UNC79: variants seen among roughly 807,000 people sequenced by gnomAD.
The protein encoded by UNC79 is protein unc-79 homolog.
In UNC79, 37 loss-of-function variants were observed where a neutral mutation model predicts 283.1. That is an observed-to-expected ratio of 0.13 (90% confidence interval 0.10 to 0.17). The LOEUF is 0.17. UNC79 is among the 10% of genes least tolerant of loss of function. The pLI, the probability that UNC79 is intolerant of heterozygous loss-of-function variation, is 1.00. For synonymous variants in UNC79, 1,107 were observed against 1,200.2 expected (o/e 0.92, Z 1.61); for missense variants, 2,272 against 3,211.1 (o/e 0.71, Z 7.07).
intron 34 of UNC79, among the ~76,000 whole-genome samples, 187 bp downstream of exon 37, chr14:93,643,884 A>G (rs2069310333): frequency 6.6e-6 from 1 of 152,224 alleles, no homozygotes; most frequent in South Asian, 2.1e-4. Flanking sequence ...CCAGCTGCGT[A>G]GGGTCATGAG....
At chr14:93,414,818 G>T (rs527615791) in intron 1 of UNC79, among the ~76,000 whole-genome samples, 1 of 152,210 alleles carries the variant, frequency 6.6e-6, no homozygotes, top group South Asian at 2.1e-4. Context: ...CTCATGATTT[G>T]GCTCTCTGTC....
intron 14 of UNC79, among the ~76,000 whole-genome samples, chr14:93,564,213 A>T (rs1418351447): frequency 6.6e-6 from 1 of 152,176 alleles, no homozygotes; most frequent in Non-Finnish European, 1.5e-5. Flanking sequence ...AAGCAACGGA[A>T]AGAGGAGTGG....
At chr14:93,366,527 A>G (rs1291417703) in intron 1 of UNC79, among the ~76,000 whole-genome samples, 1 of 151,246 alleles carries the variant, frequency 6.6e-6, no homozygotes, top group South Asian at 2.1e-4. Context: ...ATGTGTTTCC[A>G]TTAGTGTAAG....
rs552063449 is a variant in UNC79 at position 93,417,494 on chromosome 14, T to A, written c.-350-50177T>A. Among the ~76,000 whole-genome samples the A allele has an allele frequency of 2.8e-3, 421 of 152,266 alleles. 2 individuals are homozygous for A. Among genetic ancestry groups the A allele is most frequent in the Middle Eastern group, 0.024 (7 of 294 alleles). ...TCAACTTTGGTAAATCTGACAATTA[T>A]GTGTCTTGGAGTTGCTCTTCTCGAG... On this transcript the variant is annotated intron_variant, in intron 1 of 49. Transcript: ENST00000256339.
At chr14:93,407,068 A>G (rs1020131148) in intron 1 of UNC79, among the ~76,000 whole-genome samples, 3 of 152,048 alleles carry the variant, frequency 2.0e-5, no homozygotes, top group African/African-American at 7.2e-5. Context: ...TCATCTTTCC[A>G]TGAACTTATT....
At position 93,659,179 on chromosome 14, in the gene UNC79, A is replaced by G. The variant is rs927688017; in HGVS notation, c.6457-14A>G. On this transcript the variant is annotated splice_polypyrimidine_tract_variant and intron_variant, in intron 38 of 48. Coordinates refer to ENST00000555664, the Ensembl canonical transcript of UNC79. The stretch of plus-strand genomic sequence containing the variant: ...TGGAAACTAATTTTTACTTTTTTTC[A>G]TATTTATTCACAGTGTTCTTTAGAT... The G allele has an allele frequency of 5.7e-6, 9 of 1,588,340 alleles. No homozygotes were observed. Among genetic ancestry groups the G allele is most frequent in the Admixed American group, 1.8e-5 (1 of 55,828 alleles).
At chr14:93,497,971 C>T (rs956503051) in intron 7 of UNC79, among the ~76,000 whole-genome samples, 6 of 149,726 alleles carry the variant, frequency 4.0e-5, no homozygotes, top group East Asian at 2.0e-4. Context: ...GGCTACAGAG[C>T]GAGATTCTGT....
chr14:93,597,278 A>G (rs1242429962), intron 23 of UNC79, 81 bp from the exon 24 acceptor site: 1 of 1,466,344 alleles, frequency 6.8e-7, no homozygotes, highest in African/African-American at 1.4e-5. Flanking sequence ...TTCAGTTCTC[A>G]GACTGGCTAA....
intron 22 of UNC79, among the ~76,000 whole-genome samples, chr14:93,587,138 A>C (rs2064280428): frequency 6.6e-6 from 1 of 152,216 alleles, no homozygotes; most frequent in Non-Finnish European, 1.5e-5. Context: ...GAAAAGTTAA[A>C]GTAAAAATTA....
At chr14:93,634,594 G>T in intron 31 of UNC79, 2 of 1,614,126 alleles carry the variant, frequency 1.2e-6, no homozygotes, top group Non-Finnish European at 1.7e-6. Flanking sequence ...GGCAGCTGGA[G>T]CATCAGTCTA....
intron 1 of UNC79, among the ~76,000 whole-genome samples, chr14:93,366,186 T>G (rs1007243534): frequency 6.6e-6 from 1 of 152,204 alleles, no homozygotes; most frequent in African/African-American, 2.4e-5. Flanking sequence ...GCCTTAAGGT[T>G]TCCCACGTGA....
chr14:93,516,746 C>T (rs935490708), intron 7 of UNC79, among the ~76,000 whole-genome samples: 1 of 152,006 alleles, frequency 6.6e-6, no homozygotes, highest in African/African-American at 2.4e-5. Flanking sequence ...TTGCATCTGA[C>T]CTCTGCTTGG....
intron 1 of UNC79, 44 bp from the exon 2 acceptor site, chr14:93,467,627 C>CTTTTTTTTTTTTTT: frequency 1.2e-6 from 1 of 828,958 alleles, no homozygotes; most frequent in Admixed American, 2.6e-4. Context: ...TTTTCTTCTT[C>CTTTTTTTTTTTTTT]CTTTTTTTTT....
At chr14:93,459,271 G>A (rs187854060) in intron 1 of UNC79, among the ~76,000 whole-genome samples, 1 of 152,338 alleles carries the variant, frequency 6.6e-6, no homozygotes, top group African/African-American at 2.4e-5. Flanking sequence ...ACTGCATCCG[G>A]CCAATGTAAC....
At chr14:93,691,872 G>C in exon 46 of UNC79, 1 of 1,614,176 alleles carries the variant, frequency 6.2e-7, no homozygotes, top group South Asian at 1.1e-5. Flanking sequence ...CAGCTTCACG[G>C]CGATACTGAC....
rs1256259332 is a variant in UNC79 at position 93,621,482 on chromosome 14, T to C, written c.4388-139T>C. 1 of 1,127,162 alleles carries C rather than the reference T, an allele frequency of 8.9e-7. No individual in the cohort carries two copies. The highest frequency in any genetic ancestry group is 1.2e-6 in the Non-Finnish European group (1 of 838,634). 69.8% of individuals were successfully genotyped at this position (1,127,162 alleles called of 1,614,324 possible). On this transcript the variant is annotated intron_variant, in intron 29 of 48. Coordinates refer to ENST00000555664, the Ensembl canonical transcript of UNC79. The surrounding 1 kb of genome is among the most constrained non-coding windows in gnomAD (Gnocchi z 4.8). ...AAATTAGAACGAACCTTACAAAAACTTGGCCAGAAAGTTCGTTTTCCCTCC... is the reference window on the plus strand; with the variant it reads ...AAATTAGAACGAACCTTACAAAAACCTGGCCAGAAAGTTCGTTTTCCCTCC...
intron 25 of UNC79, among the ~76,000 whole-genome samples, chr14:93,602,369 C>A (rs969468598): frequency 2.6e-5 from 4 of 152,268 alleles, no homozygotes; most frequent in African/African-American, 7.2e-5. Flanking sequence ...GTCCTCTCCC[C>A]ACTTTATGTT....
rs1467464002 is a variant in UNC79 at position 93,631,092 on chromosome 14, G to A, written c.5716+184G>A. On this transcript the variant is annotated intron_variant, in intron 31 of 48. Transcript: ENST00000555664. ...GGAGTAGGATGGCCCACTTTCGTCC[G>A]TATCTCTAGTGTTTGATAAATCACT... Among the ~76,000 whole-genome samples the A allele has an allele frequency of 3.9e-5, 6 of 152,106 alleles. No homozygotes were observed. In the South Asian group the frequency reaches 6.2e-4, roughly 16 times the overall value.
At position 93,662,974 on chromosome 14, in the gene UNC79, A is replaced by G. The variant is rs559742839; in HGVS notation, c.6636+260A>G. 2.0e-5 allele frequency among the ~76,000 whole-genome samples: 3 copies of G among 152,312 alleles called. No individual in the cohort carries two copies. The South Asian group carries it at 6.2e-4, about 32-fold the overall frequency. On this transcript the variant is annotated intron_variant, in intron 40 of 48. Coordinates refer to ENST00000555664, the Ensembl canonical transcript of UNC79. Reference sequence around the variant, plus strand: ...GAACTGAGGGTCATGTGGTTAGAACAGAAGTGGTATTTTTAATGAAAAGAG... The same window carrying G: ...GAACTGAGGGTCATGTGGTTAGAACGGAAGTGGTATTTTTAATGAAAAGAG...
Sources: gnomAD v4.1 joint callset for allele counts (sites outside exome capture counted in the v4.1 genomes callset) on GRCh38, gnomAD v4.1.1 for gene constraint, Gnocchi (gnomAD v3.1) non-coding constraint, MANE v1.5 for transcripts, NCBI Gene and HGNC (gene_info 2026-07-23, HGNC 2026-07-21) for gene names.